TSHZ2: variants seen among roughly 807,000 people sequenced by gnomAD.
TSHZ2 encodes the protein teashirt homolog 2.
A neutral mutation model predicts 74.4 loss-of-function variants in TSHZ2; 21 were observed. That is an observed-to-expected ratio of 0.28 (90% CI 0.20 to 0.41). TSHZ2 has a LOEUF of 0.41. TSHZ2 is among the 10% of genes least tolerant of loss of function. The pLI, the probability that TSHZ2 is intolerant of heterozygous loss-of-function variation, is 1.00. For missense variants in TSHZ2, 1,244 were observed against 1,293.5 expected (o/e 0.96, Z 0.59); for synonymous variants, 540 against 515.3 (o/e 1.05, Z -0.65).
intron 1 of TSHZ2, among the ~76,000 whole-genome samples, chr20:53,217,157 A>C (rs145037772): frequency 1.6e-3 from 249 of 152,272 alleles, no homozygotes; most frequent in Non-Finnish European, 2.7e-3. Flanking sequence ...CACCCGGTGA[A>C]GCTGTGTCCT....
rs1170014078 is a variant in TSHZ2, at chr20:53,204,123, GATGAT to G, written c.41-49368_41-49364del. On this transcript the variant is annotated intron_variant, in intron 1 of 2. Coordinates refer to ENST00000371497, the MANE Select transcript of TSHZ2 (RefSeq NM_173485.6). ...GATATGATATACTATATCATCATAT[GATGAT>G]ATGATATACTATATCATCATATGAT... 1.4e-4 allele frequency among the ~76,000 whole-genome samples: 14 copies of G among 100,512 alleles called. 1 individual carries two copies. The highest frequency in any genetic ancestry group is 3.4e-4 in the East Asian group (1 of 2,962). 65.9% of individuals were successfully genotyped at this position (100,512 alleles called of 152,430 possible).
At position 53,408,368 on chromosome 20, in the gene TSHZ2, G is replaced by A. The variant is rs1193540343; in HGVS notation, c.*9-78776G>A. Reference sequence around the variant, plus strand: ...ACATATGAAAGACACAGCATCTTTTGTGTGGTTCTCAAGCCAGTCTCTAAT... The same window carrying A: ...ACATATGAAAGACACAGCATCTTTTATGTGGTTCTCAAGCCAGTCTCTAAT... On this transcript the variant is annotated intron_variant, in intron 2 of 2. Transcript: ENST00000371497. Among the ~76,000 whole-genome samples the A allele has an allele frequency of 2.0e-5, 3 of 152,214 alleles. No individual in the cohort carries two copies. In the East Asian group the frequency reaches 5.8e-4, roughly 29 times the overall value.
At chr20:53,336,925 TTA>T (rs1268166004) in intron 2 of TSHZ2, among the ~76,000 whole-genome samples, 1 of 152,114 alleles carries the variant, frequency 6.6e-6, no homozygotes, top group Non-Finnish European at 1.5e-5. Context: ...ATATAATGTA[TTA>T]TATATATGAA....
intron 2 of TSHZ2, among the ~76,000 whole-genome samples, chr20:53,394,761 CAAAAAA>C (rs3042185): frequency 1.4e-5 from 1 of 72,370 alleles, no homozygotes; most frequent in African/African-American, 5.4e-5. Context: ...CAATCTGTCT[CAAAAAA>C]AAAAAAAAAA....
At chr20:52,977,005 T>A (rs963499039) in intron 1 of TSHZ2, among the ~76,000 whole-genome samples, 3 of 152,198 alleles carry the variant, frequency 2.0e-5, no homozygotes, top group African/African-American at 7.2e-5. Context: ...ATTAGACTAT[T>A]AGCAATCATT....
At chr20:53,201,220 C>T (rs935308694) in intron 1 of TSHZ2, among the ~76,000 whole-genome samples, 1 of 152,080 alleles carries the variant, frequency 6.6e-6, no homozygotes, top group Non-Finnish European at 1.5e-5. Flanking sequence ...TTATCACAAA[C>T]GTAGTGGCAT....
chr20:53,431,777 T>G (rs1983857048), intron 2 of TSHZ2, among the ~76,000 whole-genome samples: 1 of 152,208 alleles, frequency 6.6e-6, no homozygotes, highest in Non-Finnish European at 1.5e-5. Context: ...ATACCTATTT[T>G]AAGATATTTC....
At chr20:53,296,376 C>G (rs1991380678) in intron 2 of TSHZ2, among the ~76,000 whole-genome samples, 1 of 152,206 alleles carries the variant, frequency 6.6e-6, no homozygotes, top group African/African-American at 2.4e-5. Flanking sequence ...GCAATCTATC[C>G]TATTGCATGA....
At chr20:53,099,743 A>T (rs1986161648) in intron 1 of TSHZ2, among the ~76,000 whole-genome samples, 1 of 152,108 alleles carries the variant, frequency 6.6e-6, no homozygotes, top group Non-Finnish European at 1.5e-5. Flanking sequence ...ATCTTGTGAG[A>T]CCTATTCACT....
intron 1 of TSHZ2, among the ~76,000 whole-genome samples, chr20:53,202,029 A>G (rs998311605): frequency 2.6e-5 from 4 of 152,374 alleles, no homozygotes; most frequent in African/African-American, 9.6e-5. Flanking sequence ...ACAAGTAACA[A>G]GAGAGACTAC....
intron 2 of TSHZ2, among the ~76,000 whole-genome samples, chr20:53,451,566 G>A (rs1248919786): frequency 6.6e-6 from 1 of 151,980 alleles, no homozygotes; most frequent in Admixed American, 6.6e-5. Context: ...TCTTTATCTG[G>A]GTAACTTAGT....
intron 2 of TSHZ2, among the ~76,000 whole-genome samples, chr20:53,278,225 C>G (rs1022357082): frequency 6.6e-6 from 1 of 152,168 alleles, no homozygotes; most frequent in African/African-American, 2.4e-5. Context: ...TCTGTAAAAG[C>G]CCAGATAGAT....
intron 1 of TSHZ2, among the ~76,000 whole-genome samples, chr20:53,054,328 G>T (rs1232804651): frequency 6.6e-6 from 1 of 152,182 alleles, no homozygotes; most frequent in Non-Finnish European, 1.5e-5. Flanking sequence ...TTCAATTGAT[G>T]CTTGGCAGCT....
At chr20:53,414,659 T>TA (rs59652873) in intron 2 of TSHZ2, among the ~76,000 whole-genome samples, 2,444 of 152,126 alleles carry the variant, frequency 0.016, 79 homozygotes, top group Admixed American at 0.069. Flanking sequence ...CCCTATCTCT[T>TA]AAAAAAAATT....
intron 2 of TSHZ2, among the ~76,000 whole-genome samples, chr20:53,471,045 A>AT (rs1303647242): frequency 4.6e-5 from 7 of 152,202 alleles, no homozygotes; most frequent in Admixed American, 3.9e-4. Context: ...AAAAAAATGT[A>AT]AATTGCTTCA....
At position 53,253,940 on chromosome 20, in the gene TSHZ2, G is replaced by A. The variant is rs889715808; in HGVS notation, c.482G>A (p.Ser161Asn). ...ERRNCDTRNG[S>N]NKSDFDWHQD... ...AGGAACTGTGACACCCGAAACGGCA[G>A]CAACAAGAGTGATTTTGATTGGCAC... The change falls in exon 2 of 3, where the codon AGC becomes AAC. Residue 161 changes from serine (S) to asparagine (N), a missense_variant. By Grantham distance (46) the Ser-to-Asn change is conservative. Around this residue, in one of 6 missense-constraint regions of TSHZ2, gnomAD observed 470 missense variants for 456.5 expected, o/e 1.03. Transcript: ENST00000371497. The A allele has an allele frequency of 6.2e-7, 1 of 1,614,208 alleles. No homozygotes were observed. Among genetic ancestry groups the A allele is most frequent in the Non-Finnish European group, 8.5e-7 (1 of 1,180,044 alleles).
intron 2 of TSHZ2, among the ~76,000 whole-genome samples, chr20:53,294,566 T>C (rs1991340775): frequency 6.6e-6 from 1 of 152,076 alleles, no homozygotes; most frequent in African/African-American, 2.4e-5. Flanking sequence ...ATTATACAAC[T>C]GAGTCATAAG....
intron 2 of TSHZ2, among the ~76,000 whole-genome samples, chr20:53,430,766 GTTTTT>G (rs1026940187): frequency 2.6e-5 from 4 of 152,170 alleles, no homozygotes; most frequent in Admixed American, 2.6e-4. Context: ...GTTTTGTTTT[GTTTTT>G]GTTTTGAGAT....
chr20:53,475,967 TG>T lies in TSHZ2; in HGVS notation c.*9-11176del, dbSNP rs1288127095. 2.6e-4 allele frequency among the ~76,000 whole-genome samples: 32 copies of T among 125,010 alleles called. 3 individuals are homozygous for T. In the East Asian group the frequency reaches 8.2e-3, roughly 32 times the overall value. 82.0% of individuals were successfully genotyped at this position (125,010 alleles called of 152,430 possible). A position where few individuals can be genotyped will look rare whatever the true frequency, so the allele number is the denominator to read the frequency against. ...TCCCAAGACTAAACCAGGAAGAAGT[TG>T]AATCTCTGAATAGACCAATAACAGG... is the stretch of plus-strand genomic sequence containing the variant. On this transcript the variant is annotated intron_variant, in intron 2 of 2. Coordinates refer to ENST00000371497, the MANE Select transcript of TSHZ2 (RefSeq NM_173485.6).
Sources: gnomAD v4.1 joint callset for allele counts (sites outside exome capture counted in the v4.1 genomes callset) on GRCh38, gnomAD v4.1.1 for gene constraint, gnomAD v4.1.1 regional missense constraint, MANE v1.5 for transcripts, NCBI Gene and HGNC (gene_info 2026-07-23, HGNC 2026-07-21) for gene names.